The following DNAH3 variants were observed in gnomAD, a reference collection of about 807,000 sequenced individuals.
The protein encoded by DNAH3 is dynein axonemal heavy chain 3.
Under a neutral mutation model 432.5 loss-of-function variants are expected in DNAH3, and 332 were observed. That is an observed-to-expected ratio of 0.77 (90% CI 0.70 to 0.84). The LOEUF is 0.84. Among genes scored for constraint, DNAH3 ranks in the 40% least tolerant of loss-of-function variants. The pLI is 0.00. For synonymous variants in DNAH3, 1,956 were observed against 1,900.2 expected, an observed-to-expected ratio of 1.03 and a Z score of -0.76; for missense variants, 4,861 against 5,114.0, an observed-to-expected ratio of 0.95 and a Z score of 1.51.
intron 24 of DNAH3, among the ~76,000 whole-genome samples, chr16:21,065,978 C>T (rs2090531033): frequency 6.6e-6 from 1 of 152,022 alleles, no homozygotes; most frequent in African/African-American, 2.4e-5. Context: ...AGGTGCCCCC[C>T]ACCACACCTG....
At chr16:21,116,157 A>C (rs2092194560) in intron 12 of DNAH3, among the ~76,000 whole-genome samples, 1 of 152,176 alleles carries the variant, frequency 6.6e-6, no homozygotes, top group African/African-American at 2.4e-5. Context: ...CTGTTGTCCC[A>C]TGGTAATTGT....
chr16:20,995,241 G>C (rs1443756305), intron 44 of DNAH3, among the ~76,000 whole-genome samples: 1 of 151,718 alleles, frequency 6.6e-6, no homozygotes, highest in Non-Finnish European at 1.5e-5. Flanking sequence ...CCAGAGCCCG[G>C]CCTTTTCTTT....
rs1334603209 is a variant in DNAH3, at chr16:21,146,233, C to G, written c.118-145G>C. The G allele has an allele frequency of 6.7e-6, 4 of 598,906 alleles. No homozygotes were observed. The East Asian group carries it at 1.1e-4, about 17-fold the overall frequency. The allele number at this position is 598,906 out of a possible 1,614,324, so 37.1% of individuals were successfully genotyped here. On this transcript the variant is annotated intron_variant, in intron 1 of 61. Coordinates refer to ENST00000261383, the Ensembl canonical transcript of DNAH3. ...AACAAAACACTCCTCTCATTCCCAT[C>G]CATTATGTATGTTTCATTTATTTAA...
Position 21,035,220 on chromosome 16 carries a change from G to A in DNAH3, c.5086-1135C>T, listed in dbSNP as rs374824367. On this transcript the variant is annotated intron_variant, in intron 35 of 61. Coordinates refer to ENST00000261383, the Ensembl canonical transcript of DNAH3. Reference sequence around the variant, plus strand: ...CACATGCCTGTAATCCCAGCTACTCGAGAGGCTGAGGCAGCAGAATCGCTT... The same window carrying A: ...CACATGCCTGTAATCCCAGCTACTCAAGAGGCTGAGGCAGCAGAATCGCTT... Among the ~76,000 whole-genome samples, 222 of 152,282 alleles carry A rather than the reference G, an allele frequency of 1.5e-3. 8 individuals are homozygous for A. The South Asian group carries it at 0.044, about 30-fold the overall frequency.
chr16:21,058,285 C>T (rs1410264490), intron 26 of DNAH3, 89 bp from the exon 27 acceptor site: 6 of 700,536 alleles, frequency 8.6e-6, no homozygotes, highest in Non-Finnish European at 1.5e-5. Flanking sequence ...ACCTCACCAC[C>T]GCAACAAAAA....
At chr16:21,104,585 A>T (rs182295005) in intron 15 of DNAH3, 1 of 1,587,048 alleles carries the variant, frequency 6.3e-7, no homozygotes, top group African/African-American at 1.3e-5. Context: ...GTTCAATTTG[A>T]TGTCCTCATC....
In DNAH3 at chr16:20,966,059, T is replaced by TG. The variant is rs1457787538; in HGVS notation, c.8459-635dup. On this transcript the variant is annotated intron_variant, in intron 52 of 61. Coordinates refer to ENST00000261383, the Ensembl canonical transcript of DNAH3. ...TTTTTTTTTTTTTTTTTTTTTGAGA[T>TG]GGAGTCTCACTTTTGCTGCCCAGGC... is the stretch of plus-strand genomic sequence containing the variant. Among the ~76,000 whole-genome samples the TG allele has an allele frequency of 1.9e-5, 2 of 105,006 alleles. 1 individual carries two copies. Among genetic ancestry groups the TG allele is most frequent in the Admixed American group, 2.4e-4 (2 of 8,180 alleles). The allele number at this position is 105,006 out of a possible 152,430, so 68.9% of individuals were successfully genotyped here.
At position 21,107,549 on chromosome 16, in the gene DNAH3, GCT is replaced by G. The variant is rs374432506; in HGVS notation, c.2100-877_2100-876del. 4.8e-3 allele frequency among the ~76,000 whole-genome samples: 724 copies of G among 151,874 alleles called. 10 individuals carry two copies. Among genetic ancestry groups the G allele is most frequent in the Admixed American group, 0.019 (288 of 15,230 alleles). ...GCCACCGCACCCAGCCTTAATCATT[GCT>G]TTTAACAGAACAACAGTAAGTTTAT... On this transcript the variant is annotated intron_variant, in intron 14 of 61. Coordinates refer to ENST00000261383, the Ensembl canonical transcript of DNAH3.
At chr16:21,009,045 C>T (rs183196455) in intron 41 of DNAH3, among the ~76,000 whole-genome samples, 21 of 152,216 alleles carry the variant, frequency 1.4e-4, no homozygotes, top group Non-Finnish European at 2.4e-4. Flanking sequence ...TACAGAGCGA[C>T]GAGAATGTTC....
At chr16:21,027,260 G>T in intron 37 of DNAH3, 133 bp from the exon 38 acceptor site, 1 of 640,088 alleles carries the variant, frequency 1.6e-6, no homozygotes, top group Non-Finnish European at 2.8e-6. Flanking sequence ...GATGTCCCAG[G>T]CACTGTTATG....
rs201718891 is a variant in DNAH3, at chr16:21,035,909, A to G, written c.5085+805T>C. 1.4e-4 allele frequency among the ~76,000 whole-genome samples: 22 copies of G among 152,288 alleles called. No individual in the cohort carries two copies. The South Asian group carries it at 2.3e-3, about 16-fold the overall frequency. On this transcript the variant is annotated intron_variant, in intron 35 of 61. Coordinates refer to ENST00000261383, the Ensembl canonical transcript of DNAH3. ...GTGACTTTGGGAAATGATGATGCCA[A>G]TGGTGCTGCTGATGATGACGGAGAT...
At chr16:21,070,873 AT>A (rs1011076668) in intron 21 of DNAH3, 47 bp from the exon 22 acceptor site, 9 of 1,201,078 alleles carry the variant, frequency 7.5e-6, no homozygotes, top group Non-Finnish European at 1.1e-5. Context: ...AAACCTCCCC[AT>A]TTTTCTTTTC....
chr16:21,102,763 C>T (rs946103386), intron 16 of DNAH3, among the ~76,000 whole-genome samples: 1 of 152,046 alleles, frequency 6.6e-6, no homozygotes, highest in African/African-American at 2.4e-5. Flanking sequence ...AATGATTTTA[C>T]TTTCCTGGTT....
intron 19 of DNAH3, among the ~76,000 whole-genome samples, chr16:21,084,152 C>T (rs1265845925): frequency 6.6e-6 from 1 of 152,088 alleles, no homozygotes; most frequent in Non-Finnish European, 1.5e-5. Context: ...CTCAGTTTTC[C>T]AATCCGTGAA....
rs779465808 is a variant in DNAH3 at position 21,054,411 on chromosome 16, CT to C, written c.4039+8del. 1.4e-5 allele frequency: 23 copies of C among 1,606,336 alleles called. No individual in the cohort carries two copies. The highest frequency in any genetic ancestry group is 6.7e-5 in the East Asian group (3 of 44,842). On this transcript the variant is annotated splice_region_variant and intron_variant, in intron 28 of 61. Coordinates refer to ENST00000261383, the Ensembl canonical transcript of DNAH3. ...AGTCAGTAATGACAGGGGAAGCCCCCTGGCTTACCGTGGACATCGATGACCG... is the reference window on the plus strand; with the variant it reads ...AGTCAGTAATGACAGGGGAAGCCCCCGGCTTACCGTGGACATCGATGACCG...
At chr16:20,950,334 C>A (rs1257512774) in intron 56 of DNAH3, among the ~76,000 whole-genome samples, 1 of 152,180 alleles carries the variant, frequency 6.6e-6, no homozygotes, top group Non-Finnish European at 1.5e-5. Flanking sequence ...ACATGTTGGA[C>A]TGGATAGTTC....
At chr16:20,987,418 G>A (rs1338316928) in exon 47 of DNAH3, 5 of 1,614,108 alleles carry the variant, frequency 3.1e-6, no homozygotes, top group Non-Finnish European at 3.4e-6. Flanking sequence ...TAAACCTCAT[G>A]GATCCAAAGC....
intron 5 of DNAH3, among the ~76,000 whole-genome samples, chr16:21,137,221 C>A (rs2092655510): frequency 1.3e-5 from 2 of 149,960 alleles, no homozygotes; most frequent in Admixed American, 1.3e-4. Flanking sequence ...CTGATTCTGC[C>A]TTCTAAGGTA....
At chr16:21,005,432 G>A (rs2087247642) in intron 41 of DNAH3, among the ~76,000 whole-genome samples, 1 of 151,184 alleles carries the variant, frequency 6.6e-6, no homozygotes. Flanking sequence ...AAGTCAAAGT[G>A]GTGCAGTGGT....
Sources: gnomAD v4.1 joint callset for allele counts (sites outside exome capture counted in the v4.1 genomes callset) on GRCh38, gnomAD v4.1.1 for gene constraint, MANE v1.5 for transcripts, NCBI Gene and HGNC (gene_info 2026-07-23, HGNC 2026-07-21) for gene names.